The following SCHIP1 variants were observed in gnomAD, a reference collection of about 807,000 sequenced individuals.
SCHIP1 encodes schwannomin-interacting protein 1.
SCHIP1 carries 8 observed loss-of-function variants against 29.7 expected under a neutral mutation model. The ratio of observed to expected loss-of-function variants is 0.27; its 90% CI spans 0.16 to 0.49. The LOEUF (loss-of-function observed/expected upper bound fraction) is 0.49. Among genes scored for constraint, SCHIP1 ranks in the 20% least tolerant of loss-of-function variants. The pLI is 0.99. For synonymous variants in SCHIP1, 76 were observed against 94.9 expected (o/e 0.80, Z 1.16); for missense variants, 193 against 294.6 (o/e 0.66, Z 2.52).
intron 1 of SCHIP1, among the ~76,000 whole-genome samples, chr3:159,864,586 G>A (rs1244196088): frequency 2.0e-5 from 3 of 151,650 alleles, no homozygotes; most frequent in Non-Finnish European, 4.4e-5. Flanking sequence ...TATAGACAGA[G>A]ATAATCACTA....
At chr3:159,464,838 T>A in the SCHIP1 span, among the ~76,000 whole-genome samples, 1 of 152,166 alleles carries the variant, frequency 6.6e-6, no homozygotes, top group South Asian at 2.1e-4. Context: ...TTCTCTATGG[T>A]GTTGCTTTTT....
At chr3:159,433,588 G>C in the SCHIP1 span, among the ~76,000 whole-genome samples, 16 of 152,286 alleles carry the variant, frequency 1.1e-4, no homozygotes, top group African/African-American at 3.6e-4. Flanking sequence ...TTTGGAGCCA[G>C]ATTTCCTGGA....
chr3:159,680,662 A>T, the SCHIP1 span, among the ~76,000 whole-genome samples: 5 of 39,414 alleles, frequency 1.3e-4, no homozygotes, highest in South Asian at 1.6e-3. Flanking sequence ...GTATATATAA[A>T]ATATATATTA....
chr3:159,688,297 CA>C, the SCHIP1 span, among the ~76,000 whole-genome samples: 1 of 152,204 alleles, frequency 6.6e-6, no homozygotes, highest in African/African-American at 2.4e-5. Flanking sequence ...GCCATTCTAA[CA>C]GGCGTGAATT....
At chr3:159,419,186 T>G in the SCHIP1 span, among the ~76,000 whole-genome samples, 1 of 152,222 alleles carries the variant, frequency 6.6e-6, no homozygotes, top group African/African-American at 2.4e-5. Flanking sequence ...CCTGCTGACC[T>G]TCCTGAGTGA....
At chr3:159,764,911 C>T in the SCHIP1 span, 8 of 1,527,466 alleles carry the variant, frequency 5.2e-6, no homozygotes, top group Non-Finnish European at 6.1e-6. The surrounding 1 kb of genome is among the most constrained non-coding windows in gnomAD (Gnocchi z 6.1). Context: ...TTCCCGGGGC[C>T]CCCGCCGGGC....
At chr3:159,504,558 A>T in the SCHIP1 span, among the ~76,000 whole-genome samples, 1 of 152,314 alleles carries the variant, frequency 6.6e-6, no homozygotes, top group Non-Finnish European at 1.5e-5. Context: ...GTTATCTTCA[A>T]TCCAAAAATT....
At chr3:159,889,781 T>A (rs148740690) in intron 5 of SCHIP1, among the ~76,000 whole-genome samples, 2 of 152,096 alleles carry the variant, frequency 1.3e-5, no homozygotes, top group Non-Finnish European at 2.9e-5. Context: ...GTGATAAAGG[T>A]GTTGCAGTTA....
chr3:159,806,489 A>T, the SCHIP1 span, among the ~76,000 whole-genome samples: 29 of 152,366 alleles, frequency 1.9e-4, no homozygotes, highest in Middle Eastern at 3.4e-3. Context: ...TTTGCTCTTA[A>T]TTGACTTGTA....
the SCHIP1 span, among the ~76,000 whole-genome samples, chr3:159,632,501 C>G: frequency 6.6e-6 from 1 of 152,170 alleles, no homozygotes; most frequent in Non-Finnish European, 1.5e-5. Context: ...AAGGCTTTTC[C>G]CATTTTGGGG....
the SCHIP1 span, among the ~76,000 whole-genome samples, chr3:159,292,180 G>A: frequency 2.6e-5 from 4 of 152,020 alleles, no homozygotes; most frequent in African/African-American, 7.2e-5. Flanking sequence ...AAAAATAGTT[G>A]AGAAGGAAGA....
the SCHIP1 span, among the ~76,000 whole-genome samples, chr3:159,404,964 A>G: frequency 6.6e-6 from 1 of 152,168 alleles, no homozygotes; most frequent in South Asian, 2.1e-4. Context: ...CTTTTTTGGG[A>G]GAAAGTAAGG....
chr3:159,422,784 A>C, the SCHIP1 span, among the ~76,000 whole-genome samples: 1 of 152,184 alleles, frequency 6.6e-6, no homozygotes, highest in Non-Finnish European at 1.5e-5. Context: ...GAGGTCACTT[A>C]TTCTCATTGC....
chr3:159,287,613 A>C, the SCHIP1 span, among the ~76,000 whole-genome samples: 1 of 152,204 alleles, frequency 6.6e-6, no homozygotes, highest in Non-Finnish European at 1.5e-5. Flanking sequence ...CCGCATTGCT[A>C]TATGCTAAGC....
chr3:159,724,646 G>A, the SCHIP1 span, among the ~76,000 whole-genome samples: 4 of 152,074 alleles, frequency 2.6e-5, no homozygotes, highest in Non-Finnish European at 5.9e-5. Flanking sequence ...AAAGGACTCT[G>A]GAGCTCCAAA....
At chr3:159,513,920 A>G in the SCHIP1 span, among the ~76,000 whole-genome samples, 1 of 152,248 alleles carries the variant, frequency 6.6e-6, no homozygotes, top group African/African-American at 2.4e-5. Context: ...GAGCATGATT[A>G]AAGATTGGTC....
At chr3:159,426,126 A>G in the SCHIP1 span, among the ~76,000 whole-genome samples, 1 of 152,130 alleles carries the variant, frequency 6.6e-6, no homozygotes, top group Non-Finnish European at 1.5e-5. Context: ...CATCACAATT[A>G]AAAGAACTAG....
At chr3:159,781,869 C>T in the SCHIP1 span, among the ~76,000 whole-genome samples, 1 of 152,182 alleles carries the variant, frequency 6.6e-6, no homozygotes, top group Admixed American at 6.5e-5. Flanking sequence ...CATACCCTTG[C>T]CACTAAAAAT....
At chr3:159,553,967 C>CGTGTGTGTGT in the SCHIP1 span, among the ~76,000 whole-genome samples, 53 of 115,790 alleles carry the variant, frequency 4.6e-4, no homozygotes, top group East Asian at 1.3e-3. Flanking sequence ...CGCCCAGCTA[C>CGTGTGTGTGT]GTGTGTGTGT....
Sources: allele counts gnomAD v4.1 joint callset (sites outside exome capture counted in the v4.1 genomes callset), GRCh38; gene constraint gnomAD v4.1.1; non-coding constraint Gnocchi (gnomAD v3.1); transcripts MANE v1.5; gene names NCBI Gene and HGNC (gene_info 2026-07-23, HGNC 2026-07-21).